RPGR: variants seen among roughly 807,000 people sequenced by gnomAD.
The protein encoded by RPGR is X-linked retinitis pigmentosa GTPase regulator.
In RPGR, 10 loss-of-function variants were observed where a neutral mutation model predicts 56.3. The ratio of observed to expected loss-of-function variants is 0.18; its 90% CI spans 0.11 to 0.30. The LOEUF is 0.30. Among genes scored for constraint, RPGR ranks in the 10% least tolerant of loss-of-function variants. RPGR has a pLI of 1.00. For missense variants in RPGR, 538 were observed against 590.9 expected (o/e 0.91, Z 0.93); for synonymous variants, 197 against 212.9 (o/e 0.93, Z 0.65).
chrX:38,320,497 C>T (rs2067917848), intron 4 of RPGR, among the ~76,000 whole-genome samples: 1 of 112,551 alleles, frequency 8.9e-6, no homozygotes, highest in Non-Finnish European at 1.9e-5. Context: ...TTTGCCAATA[C>T]CTCAGTCTTG....
intron 2 of RPGR, 105 bp downstream of exon 2, chrX:38,323,294 T>G (rs2067983273): frequency 1.2e-6 from 1 of 801,808 alleles, no homozygotes; most frequent in Admixed American, 2.9e-5. Context: ...AAAACAACAC[T>G]TTTGATAATA....
chrX:38,303,734 G>T (rs906213724), intron 8 of RPGR: 1 of 295,412 alleles, frequency 3.4e-6, no homozygotes, highest in African/African-American at 2.7e-5. Flanking sequence ...AGTATATCTT[G>T]CATTTGCTGA....
chrX:38,323,083 T>A (rs1380425620), intron 2 of RPGR, 138 bp from the exon 3 acceptor site: 1 of 540,444 alleles, frequency 1.9e-6, no homozygotes, highest in African/African-American at 2.3e-5. Context: ...CTTGTTCATC[T>A]ATGTATAACC....
At chrX:38,276,142 T>G (rs1386233951) in intron 16 of RPGR, among the ~76,000 whole-genome samples, 1 of 112,080 alleles carries the variant, frequency 8.9e-6, no homozygotes, top group Non-Finnish European at 1.9e-5. Context: ...TTTGAAGAAC[T>G]GATCACAACT....
intron 15 of RPGR, among the ~76,000 whole-genome samples, chrX:38,278,997 A>G (rs927772327): frequency 2.7e-5 from 3 of 112,720 alleles, no homozygotes; most frequent in Non-Finnish European, 3.7e-5. Context: ...ACTTTAAACA[A>G]TCTATAACAA....
intron 6 of RPGR, among the ~76,000 whole-genome samples, chrX:38,315,458 C>T (rs1240951581): frequency 8.9e-6 from 1 of 111,876 alleles, no homozygotes; most frequent in Non-Finnish European, 1.9e-5. Flanking sequence ...TGAAATAAAA[C>T]AGGCACAGAA....
chrX:38,288,098 A>G, intron 13 of RPGR, 57 bp from the exon 14 acceptor site: 1 of 1,016,096 alleles, frequency 9.8e-7, no homozygotes, highest in Non-Finnish European at 1.4e-6. Context: ...TGACAAGGAC[A>G]ACTTATCTAC....
intron 15 of RPGR, chrX:38,284,992 G>A: frequency 1.3e-6 from 1 of 755,024 alleles, no homozygotes; most frequent in Non-Finnish European, 1.6e-6. Context: ...TTTGCAAAAA[G>A]AACACATAAA....
intron 15 of RPGR, among the ~76,000 whole-genome samples, chrX:38,280,697 C>A (rs928832390): frequency 6.3e-5 from 7 of 111,039 alleles, no homozygotes; most frequent in Non-Finnish European, 1.1e-4. Flanking sequence ...CCATGCCTAA[C>A]TAATCTTTTA....
At position 38,286,053 on chromosome X, in the gene RPGR, T is replaced by C. The variant is rs1165629800; in HGVS notation, c.1905+1041A>G. The C allele has an allele frequency of 2.6e-5, 9 of 341,541 alleles. No homozygotes were observed. The highest frequency in any genetic ancestry group is 3.6e-5 in the Non-Finnish European group (9 of 250,257). The allele number at this position is 341,541 out of a possible 1,213,427, so 28.1% of individuals were successfully genotyped here. ...CCCCCTCCCCTTCTCCTTCCTCCTC[T>C]TCCCCCTCCCCTTCTCCTTCCTCCC... On this transcript the variant is annotated intron_variant, in intron 15 of 18. Coordinates refer to ENST00000642395, the MANE Select transcript of RPGR (RefSeq NM_000328.3).
At chrX:38,270,180 A>G (rs7885891) in intron 18 of RPGR, among the ~76,000 whole-genome samples, 3,477 of 111,416 alleles carry the variant, frequency 0.031, 147 homozygotes, top group African/African-American at 0.11. Flanking sequence ...TGTAACTTTT[A>G]AATGTATCCA....
chrX:38,321,915 G>T (rs1238715399), intron 3 of RPGR, among the ~76,000 whole-genome samples: 2 of 111,217 alleles, frequency 1.8e-5, no homozygotes, highest in African/African-American at 6.5e-5. Context: ...TTGGCATAGG[G>T]GCTGCAAAAA....
intron 10 of RPGR, 137 bp downstream of exon 10, chrX:38,298,819 G>A (rs2067444676): frequency 3.2e-6 from 2 of 622,424 alleles, no homozygotes; most frequent in Non-Finnish European, 2.5e-6. Context: ...AAGTTTGTTA[G>A]CACTCAACTC....
In RPGR at chrX:38,297,222, A is replaced by C. The variant is rs770830372; in HGVS notation, c.1414+62T>G. The stretch of plus-strand genomic sequence containing the variant: ...CTGGAGAAAACATCTTAAGATAAAC[A>C]TAAAAACTACAGGAATAAAAGGCAC... On this transcript the variant is annotated intron_variant, in intron 11 of 18. Transcript: ENST00000642395. The C allele has an allele frequency of 4.5e-6, 5 of 1,100,578 alleles. No individual in the cohort carries two copies. In the East Asian group the frequency reaches 1.5e-4, roughly 33 times the overall value. The allele number at this position is 1,100,578 out of a possible 1,213,427, so 90.7% of individuals were successfully genotyped here. A position where few individuals can be genotyped will look rare whatever the true frequency, so the allele number is the denominator to read the frequency against.
chrX:38,286,359 C>T, intron 15 of RPGR: 1 of 816,301 alleles, frequency 1.2e-6, no homozygotes, highest in Non-Finnish European at 1.5e-6. Context: ...CTCCTTCCTC[C>T]TCTTCCCCCT....
intron 8 of RPGR, among the ~76,000 whole-genome samples, chrX:38,303,436 T>C (rs1285251163): frequency 1.8e-5 from 2 of 112,289 alleles, no homozygotes; most frequent in African/African-American, 6.5e-5. Context: ...GTAAAGGTAC[T>C]ATGAAAATTT....
At chrX:38,320,958 G>C (rs1303241195) in intron 4 of RPGR, 69 bp downstream of exon 4, 1 of 828,715 alleles carries the variant, frequency 1.2e-6, no homozygotes, top group Non-Finnish European at 1.8e-6. Flanking sequence ...ATTTTACAAA[G>C]CCACGTTACT....
intron 15 of RPGR, chrX:38,287,036 C>T (rs2067198455): frequency 8.3e-7 from 1 of 1,207,939 alleles, no homozygotes; most frequent in African/African-American, 1.8e-5. Flanking sequence ...GTTCCATCCC[C>T]TCTACCTTCA....
At chrX:38,295,063 C>A (rs1028468619) in intron 11 of RPGR, among the ~76,000 whole-genome samples, 3 of 112,128 alleles carry the variant, frequency 2.7e-5, no homozygotes, top group African/African-American at 9.7e-5. Flanking sequence ...GAAAAACATT[C>A]ATATCACGTA....
Sources: gnomAD v4.1 joint callset for allele counts (sites outside exome capture counted in the v4.1 genomes callset) on GRCh38, gnomAD v4.1.1 for gene constraint, MANE v1.5 for transcripts, NCBI Gene and HGNC (gene_info 2026-07-23, HGNC 2026-07-21) for gene names.